Variants in PDE3A observed in about 807,000 individuals in gnomAD.
PDE3A encodes the protein phosphodiesterase 3A, also known as cGMP-inhibited 3',5'-cyclic phosphodiesterase 3A.
A neutral mutation model predicts 98.3 loss-of-function variants in PDE3A; 43 were observed. That is an observed-to-expected ratio of 0.44 (90% CI 0.34 to 0.56). The LOEUF is 0.56. Ranked by LOEUF, PDE3A falls within the 20% of genes least tolerant of loss-of-function variation. PDE3A has a pLI of 0.01. For synonymous variants in PDE3A, 663 were observed against 567.9 expected (o/e 1.17, Z -2.38); for missense variants, 1,427 against 1,440.7 (o/e 0.99, Z 0.15).
intron 1 of PDE3A, among the ~76,000 whole-genome samples, chr12:20,380,119 A>G (rs1039548635): frequency 2.0e-5 from 3 of 151,834 alleles, no homozygotes; most frequent in Admixed American, 6.6e-5. Context: ...CACCTTTTTT[A>G]TACTCTAGTA....
chr12:20,555,468 C>A (rs1942346340), intron 1 of PDE3A, among the ~76,000 whole-genome samples: 1 of 152,330 alleles, frequency 6.6e-6, no homozygotes, highest in East Asian at 1.9e-4. Context: ...CACCGAAAAT[C>A]TACCCTCTTA....
At chr12:20,485,010 G>A (rs1945700324) in intron 1 of PDE3A, among the ~76,000 whole-genome samples, 1 of 152,192 alleles carries the variant, frequency 6.6e-6, no homozygotes, top group East Asian at 1.9e-4. Flanking sequence ...ATATTTTATT[G>A]AGATCAAAAG....
At chr12:20,659,853 T>C (rs1945122000) in intron 15 of PDE3A, among the ~76,000 whole-genome samples, 1 of 152,254 alleles carries the variant, frequency 6.6e-6, no homozygotes, top group African/African-American at 2.4e-5. Context: ...TACCTGGAAA[T>C]GTGGAACAAA....
intron 2 of PDE3A, among the ~76,000 whole-genome samples, chr12:20,602,071 C>G (rs751478749): frequency 6.6e-5 from 10 of 151,486 alleles, no homozygotes; most frequent in Non-Finnish European, 1.0e-4. Context: ...GTGCTCACAT[C>G]CAGTTAAGTT....
chr12:20,480,915 A>T (rs1178556504), intron 1 of PDE3A, among the ~76,000 whole-genome samples: 1 of 152,200 alleles, frequency 6.6e-6, no homozygotes. Context: ...CATTGACTTG[A>T]CCTTAACCAA....
intron 1 of PDE3A, among the ~76,000 whole-genome samples, chr12:20,521,412 G>A (rs1946424246): frequency 1.3e-5 from 2 of 152,044 alleles, no homozygotes; most frequent in Admixed American, 6.5e-5. Flanking sequence ...CATTTTGAAA[G>A]GTAAGTGAGT....
intron 1 of PDE3A, among the ~76,000 whole-genome samples, chr12:20,373,365 C>T (rs1943513833): frequency 6.6e-6 from 1 of 151,822 alleles, no homozygotes; most frequent in Admixed American, 6.6e-5. Flanking sequence ...TGCCCTCGGC[C>T]CGAAACATGG....
At chr12:20,530,222 G>A (rs546990684) in intron 1 of PDE3A, among the ~76,000 whole-genome samples, 35 of 152,126 alleles carry the variant, frequency 2.3e-4, no homozygotes, top group African/African-American at 6.7e-4. Context: ...TTTGCTTAGC[G>A]TAAACACTCA....
intron 1 of PDE3A, among the ~76,000 whole-genome samples, chr12:20,431,183 A>G (rs1310744384): frequency 1.3e-5 from 2 of 152,196 alleles, no homozygotes; most frequent in Admixed American, 6.5e-5. Flanking sequence ...CAGGTTGATT[A>G]TCTATTTTCA....
At chr12:20,493,963 A>G (rs1021428504) in intron 1 of PDE3A, among the ~76,000 whole-genome samples, 1 of 152,202 alleles carries the variant, frequency 6.6e-6, no homozygotes, top group Non-Finnish European at 1.5e-5. Flanking sequence ...AGAGTATTCC[A>G]ATGTATGGAT....
At position 20,384,626 on chromosome 12, in the gene PDE3A, C is replaced by G. The variant is rs530974446; in HGVS notation, c.960+14382C>G. 5.8e-4 allele frequency among the ~76,000 whole-genome samples: 88 copies of G among 151,946 alleles called. 1 individual carries two copies. Among genetic ancestry groups the G allele is most frequent in the African/African-American group, 2.0e-3 (85 of 41,496 alleles). ...ATGGTGCTTTGCTGCATCTATCAACCTGTCACCTAAGTATTAAACCCAGCA... is the reference window on the plus strand; with the variant it reads ...ATGGTGCTTTGCTGCATCTATCAACGTGTCACCTAAGTATTAAACCCAGCA... On this transcript the variant is annotated intron_variant, in intron 1 of 15. Transcript: ENST00000359062.
At chr12:20,520,065 T>C (rs1432640060) in intron 1 of PDE3A, among the ~76,000 whole-genome samples, 1 of 152,190 alleles carries the variant, frequency 6.6e-6, no homozygotes, top group Non-Finnish European at 1.5e-5. Context: ...AACCTAGGTA[T>C]GTTTAACGCT....
chr12:20,675,446 A>G (rs887393921), intron 15 of PDE3A, among the ~76,000 whole-genome samples: 5 of 152,200 alleles, frequency 3.3e-5, no homozygotes, highest in Non-Finnish European at 5.9e-5. Context: ...TGCAGTTTAA[A>G]TCCAACGTTT....
rs903970940 is a variant in PDE3A at position 20,581,611 on chromosome 12, C to CTTTTTTTTTTTT, written c.1011+24905_1011+24906insTTTTTTTTTTTT. On this transcript the variant is annotated intron_variant, in intron 2 of 15. Transcript: ENST00000359062. ...ATGTACATGTACATAGATTTCTTTT[C>CTTTTTTTTTTTT]TTTTCTTTTTTTTTTTTTTGAGACG... is the stretch of plus-strand genomic sequence containing the variant. Among the ~76,000 whole-genome samples, 4 of 76,366 alleles carry CTTTTTTTTTTTT rather than the reference C, an allele frequency of 5.2e-5. 2 individuals carry two copies. The highest frequency in any genetic ancestry group is 1.0e-4 in the African/African-American group (2 of 19,682). 50.1% of individuals were successfully genotyped at this position (76,366 alleles called of 152,430 possible).
chr12:20,416,799 C>T (rs5014038), intron 1 of PDE3A, among the ~76,000 whole-genome samples: 112,862 of 152,040 alleles, frequency 0.74, 42,195 homozygotes, highest in East Asian at 0.98. Context: ...AGGTACCTCA[C>T]ACATACATGG....
At chr12:20,395,748 A>G (rs1425022375) in intron 1 of PDE3A, among the ~76,000 whole-genome samples, 2 of 150,752 alleles carry the variant, frequency 1.3e-5, no homozygotes, top group African/African-American at 4.9e-5. Context: ...CTAGAAAATA[A>G]TATTTGACAA....
chr12:20,552,169 G>A lies in PDE3A; in HGVS notation c.961-4491G>A, dbSNP rs553573961. On this transcript the variant is annotated intron_variant, in intron 1 of 15. Coordinates refer to ENST00000359062, the MANE Select transcript of PDE3A (RefSeq NM_000921.5). This position sits in a 1 kb window ranked among gnomAD's most constrained non-coding sequence, Gnocchi z 5.1. ...CAGGGCGCTGGCTCTCAACTGCTTT[G>A]CTCCCATCAATGACCAAGAAGGGGC... The A allele has an allele frequency of 8.7e-4, 1,407 of 1,613,762 alleles. 4 individuals are homozygous for A. Among genetic ancestry groups the A allele is most frequent in the Non-Finnish European group, 1.1e-3 (1,301 of 1,179,888 alleles).
intron 1 of PDE3A, among the ~76,000 whole-genome samples, chr12:20,376,998 G>A (rs1346107177): frequency 1.3e-5 from 2 of 151,688 alleles, no homozygotes; most frequent in African/African-American, 2.4e-5. Context: ...ATTACATTAA[G>A]GGCACTCATG....
At chr12:20,655,001 G>C (rs1312447686) in intron 15 of PDE3A, among the ~76,000 whole-genome samples, 4 of 152,046 alleles carry the variant, frequency 2.6e-5, no homozygotes. Context: ...ACTAGAGATA[G>C]AGTTGTGGGG....
Sources: allele counts gnomAD v4.1 joint callset (sites outside exome capture counted in the v4.1 genomes callset), GRCh38; gene constraint gnomAD v4.1.1; non-coding constraint Gnocchi (gnomAD v3.1); transcripts MANE v1.5; gene names NCBI Gene and HGNC (gene_info 2026-07-23, HGNC 2026-07-21).